Variants in GPC6 observed in about 807,000 individuals in gnomAD.
The protein encoded by GPC6 is glypican 6.
A neutral mutation model predicts 55.2 loss-of-function variants in GPC6; 14 were observed. The observed-to-expected ratio is 0.25, with a 90% CI of 0.17 to 0.40. The LOEUF (loss-of-function observed/expected upper bound fraction) is 0.40, where lower values mean the gene tolerates loss of function less well. GPC6 is among the 10% of genes least tolerant of loss of function. GPC6 has a pLI of 1.00. For synonymous variants in GPC6, 278 were observed against 259.6 expected, an observed-to-expected ratio of 1.07 and a Z score of -0.68; for missense variants, 641 against 708.5, an observed-to-expected ratio of 0.90 and a Z score of 1.08.
chr13:93,402,368 A>G (rs2762098), intron 1 of GPC6, among the ~76,000 whole-genome samples: 110,250 of 151,976 alleles, frequency 0.73, 40,292 homozygotes, highest in East Asian at 0.84. Context: ...GTAGCACGCC[A>G]TCCCAGATGT....
At chr13:93,229,782 G>T (rs1339223642) in intron 1 of GPC6, among the ~76,000 whole-genome samples, 1 of 151,224 alleles carries the variant, frequency 6.6e-6, no homozygotes, top group Non-Finnish European at 1.5e-5. Flanking sequence ...TTTAAGCCTT[G>T]TGTCCTTTGA....
At chr13:93,615,261 A>T (rs1299318681) in intron 2 of GPC6, among the ~76,000 whole-genome samples, 1 of 152,168 alleles carries the variant, frequency 6.6e-6, no homozygotes, top group Non-Finnish European at 1.5e-5. Flanking sequence ...CAATTATATG[A>T]ATTATCAAAG....
At chr13:94,242,364 T>C (rs1891080220) in intron 4 of GPC6, among the ~76,000 whole-genome samples, 1 of 152,170 alleles carries the variant, frequency 6.6e-6, no homozygotes, top group South Asian at 2.1e-4. Flanking sequence ...GAACTAGAAA[T>C]GCCATTTGAC....
At chr13:93,753,825 A>G (rs1292557661) in intron 2 of GPC6, among the ~76,000 whole-genome samples, 1 of 151,998 alleles carries the variant, frequency 6.6e-6, no homozygotes, top group Admixed American at 6.6e-5. Flanking sequence ...TCCATCACCC[A>G]TGCTGGAGTG....
chr13:93,399,723 G>C (rs1876000084), intron 1 of GPC6, among the ~76,000 whole-genome samples: 1 of 152,164 alleles, frequency 6.6e-6, no homozygotes, highest in South Asian at 2.1e-4. Context: ...TCTGAGGTGT[G>C]CCAGTGCCCC....
intron 1 of GPC6, among the ~76,000 whole-genome samples, chr13:93,474,838 A>G (rs916740974): frequency 2.6e-5 from 4 of 152,156 alleles, no homozygotes; most frequent in Admixed American, 2.6e-4. Context: ...TAAAGTAATT[A>G]TAATGCTATT....
Position 93,676,127 on chromosome 13 carries a change from ATATATATATATATATAT to A in GPC6, c.319+130707_319+130723del, listed in dbSNP as rs1195771319. On this transcript the variant is annotated intron_variant, in intron 2 of 8. Transcript: ENST00000377047. ...CTACTAAAAAAAAAAAAAAAAAAAA[ATATATATATATATATAT>A]ATATATATATATATATATATATATA... Among the ~76,000 whole-genome samples, 39 of 10,674 alleles carry A rather than the reference ATATATATATATATATAT, an allele frequency of 3.7e-3. 2 individuals carry two copies. Among genetic ancestry groups the A allele is most frequent in the African/African-American group, 6.8e-3 (36 of 5,330 alleles). 7.0% of individuals were successfully genotyped at this position (10,674 alleles called of 152,430 possible). A position where few individuals can be genotyped will look rare whatever the true frequency, so the allele number is the denominator to read the frequency against.
chr13:94,014,898 TG>T (rs2138703832), intron 3 of GPC6, among the ~76,000 whole-genome samples: 1 of 152,338 alleles, frequency 6.6e-6, no homozygotes, highest in African/African-American at 2.4e-5. Context: ...AATAATATTT[TG>T]CTGTACAGAT....
intron 1 of GPC6, among the ~76,000 whole-genome samples, chr13:93,246,815 A>AAAGCCACT (rs1224902422): frequency 6.7e-6 from 1 of 148,628 alleles, no homozygotes; most frequent in Non-Finnish European, 1.5e-5. Flanking sequence ...AAAAAAAAAA[A>AAAGCCACT]AAGCCACTAT....
rs190280009 is a variant in GPC6 at position 93,308,231 on chromosome 13, G to A, written c.160+80615G>A. Among the ~76,000 whole-genome samples the A allele has an allele frequency of 2.8e-4, 43 of 152,256 alleles. 1 individual carries two copies. Among genetic ancestry groups the A allele is most frequent in the Admixed American group, 6.5e-4 (10 of 15,292 alleles). ...ACCCGGGAGGCAGAGCTTGCAGTGAGCCGAGATTGCGCTACTGCACTCCAG... is the reference window on the plus strand; with the variant it reads ...ACCCGGGAGGCAGAGCTTGCAGTGAACCGAGATTGCGCTACTGCACTCCAG... On this transcript the variant is annotated intron_variant, in intron 1 of 8. Coordinates refer to ENST00000377047, the MANE Select transcript of GPC6 (RefSeq NM_005708.5).
chr13:94,199,591 C>T (rs1208728257), intron 4 of GPC6, among the ~76,000 whole-genome samples: 1 of 152,182 alleles, frequency 6.6e-6, no homozygotes, highest in African/African-American at 2.4e-5. Context: ...AACTGGGACA[C>T]TCTGCTGTGT....
At chr13:94,341,666 T>C (rs1260995496) in intron 6 of GPC6, among the ~76,000 whole-genome samples, 1 of 152,134 alleles carries the variant, frequency 6.6e-6, no homozygotes, top group Non-Finnish European at 1.5e-5. Context: ...GGATTTGGTC[T>C]AATATTTTCA....
intron 1 of GPC6, among the ~76,000 whole-genome samples, chr13:93,267,255 G>A (rs547376117): frequency 3.3e-5 from 5 of 152,010 alleles, no homozygotes; most frequent in East Asian, 1.9e-4. Flanking sequence ...TTTTAGAAAT[G>A]CAATTTTCTC....
chr13:93,526,844 G>C (rs749835135), intron 1 of GPC6, among the ~76,000 whole-genome samples: 2 of 152,016 alleles, frequency 1.3e-5, no homozygotes, highest in African/African-American at 4.8e-5. Context: ...TGCATATTTT[G>C]ATTTAAATGC....
chr13:93,422,067 T>C (rs1346375656), intron 1 of GPC6, among the ~76,000 whole-genome samples: 2 of 152,186 alleles, frequency 1.3e-5, no homozygotes, highest in East Asian at 1.9e-4. Flanking sequence ...AATATTCACC[T>C]TGATACACTT....
At chr13:93,464,595 C>T (rs1878836280) in intron 1 of GPC6, among the ~76,000 whole-genome samples, 1 of 152,202 alleles carries the variant, frequency 6.6e-6, no homozygotes, top group East Asian at 1.9e-4. Context: ...GTCTCCACTT[C>T]TATTTCTAGT....
intron 1 of GPC6, among the ~76,000 whole-genome samples, chr13:93,422,434 G>C (rs992220801): frequency 2.0e-5 from 3 of 152,094 alleles, no homozygotes; most frequent in African/African-American, 7.2e-5. Context: ...TAGTTTCTTT[G>C]CCACTGCATG....
intron 2 of GPC6, among the ~76,000 whole-genome samples, chr13:93,628,337 C>T (rs1879291029): frequency 6.6e-6 from 1 of 152,170 alleles, no homozygotes; most frequent in Non-Finnish European, 1.5e-5. Context: ...GACTCTGATT[C>T]CTCCTTTGTA....
rs561782561 is a variant in GPC6, at chr13:94,378,052, G to T, written c.1153-4362G>T. Among the ~76,000 whole-genome samples, 538 of 152,218 alleles carry T rather than the reference G, an allele frequency of 3.5e-3. 3 individuals are homozygous for T. The highest frequency in any genetic ancestry group is 0.01 in the Middle Eastern group (3 of 294). ...CACACTCTGGGGACTGTTGTGGGGT[G>T]GGGGGAGACGTGAGGGATAGCATTG... On this transcript the variant is annotated intron_variant, in intron 6 of 8. Transcript: ENST00000377047.
Sources: gnomAD v4.1 joint callset for allele counts (sites outside exome capture counted in the v4.1 genomes callset) on GRCh38, gnomAD v4.1.1 for gene constraint, MANE v1.5 for transcripts, NCBI Gene and HGNC (gene_info 2026-07-23, HGNC 2026-07-21) for gene names.